Variants in TMOD1 observed in about 807,000 individuals in gnomAD.
TMOD1 encodes the protein tropomodulin 1, also known as tropomodulin-1.
Under a neutral mutation model 40.6 loss-of-function variants are expected in TMOD1, and 17 were observed. That is an observed-to-expected ratio of 0.42 (90% CI 0.29 to 0.63). TMOD1 has a LOEUF of 0.63. TMOD1 is among the 20% of genes least tolerant of loss of function. The pLI, the probability that TMOD1 is intolerant of heterozygous loss-of-function variation, is 0.22. For missense variants in TMOD1, 391 were observed against 447.6 expected (o/e 0.87, Z 1.14); for synonymous variants, 181 against 175.0 (o/e 1.03, Z -0.27).
chr9:97,548,164 T>A (rs1830393786), intron 3 of TMOD1, among the ~76,000 whole-genome samples: 1 of 152,218 alleles, frequency 6.6e-6, no homozygotes, highest in Non-Finnish European at 1.5e-5. Context: ...TTCCATTCCC[T>A]CCACCCCTAA....
chr9:97,524,111 G>A (rs951914406), intron 1 of TMOD1, 30 bp from the exon 2 acceptor site: 1 of 1,516,060 alleles, frequency 6.6e-7, no homozygotes, highest in South Asian at 1.3e-5. Flanking sequence ...TCTGAGACGG[G>A]TCTTTCTAAG....
At chr9:97,546,164 C>T in intron 2 of TMOD1, 21 bp from the exon 3 acceptor site, 1 of 1,592,298 alleles carries the variant, frequency 6.3e-7, no homozygotes, top group Non-Finnish European at 8.5e-7. Flanking sequence ...CTCTCCTGCC[C>T]CCCCACAACC....
intron 4 of TMOD1, among the ~76,000 whole-genome samples, chr9:97,553,740 GA>G (rs1275557008): frequency 3.3e-5 from 5 of 152,132 alleles, no homozygotes; most frequent in Non-Finnish European, 7.3e-5. Context: ...AGGATAGAGG[GA>G]AAACAGACAG....
chr9:97,573,706 C>T (rs1259898183), intron 8 of TMOD1, among the ~76,000 whole-genome samples: 1 of 152,162 alleles, frequency 6.6e-6, no homozygotes, highest in Non-Finnish European at 1.5e-5. Flanking sequence ...GACCTCAGCA[C>T]CTTACCGTGT....
At chr9:97,588,572 C>A (rs979151801) in intron 8 of TMOD1, among the ~76,000 whole-genome samples, 1 of 152,076 alleles carries the variant, frequency 6.6e-6, no homozygotes, top group Non-Finnish European at 1.5e-5. Flanking sequence ...TCTGTTGAAG[C>A]ACAAAAGTTT....
intron 4 of TMOD1, among the ~76,000 whole-genome samples, chr9:97,558,489 G>T (rs1830566984): frequency 6.6e-6 from 1 of 152,128 alleles, no homozygotes; most frequent in African/African-American, 2.4e-5. Context: ...TGTTGCCCAG[G>T]CTGGAGTGCA....
chr9:97,524,407 A>G, intron 2 of TMOD1, 99 bp downstream of exon 2: 2 of 1,426,780 alleles, frequency 1.4e-6, no homozygotes, highest in South Asian at 1.4e-5. Flanking sequence ...TTTTCCTTCC[A>G]TGGCAATGAC....
intron 2 of TMOD1, 59 bp downstream of exon 2, chr9:97,524,367 G>A (rs1169225361): frequency 2.5e-6 from 4 of 1,573,726 alleles, no homozygotes; most frequent in Non-Finnish European, 1.7e-6. Context: ...GGGAGGGACA[G>A]GTGGATGCTT....
chr9:97,574,569 G>A (rs901702053), intron 8 of TMOD1, among the ~76,000 whole-genome samples: 2 of 152,268 alleles, frequency 1.3e-5, no homozygotes, highest in Admixed American at 6.5e-5. Context: ...GGCGCAGGGC[G>A]CGGGACTGGC....
intron 5 of TMOD1, among the ~76,000 whole-genome samples, chr9:97,563,545 A>C (rs1388627977): frequency 6.6e-6 from 1 of 152,078 alleles, no homozygotes; most frequent in African/African-American, 2.4e-5. Context: ...CCTCTGTTTC[A>C]TGAGCCCTTT....
intron 2 of TMOD1, among the ~76,000 whole-genome samples, chr9:97,540,333 C>G (rs117725273): frequency 0.014 from 2,087 of 152,360 alleles, 24 homozygotes; most frequent in Non-Finnish European, 0.022. Context: ...CAGCTTCTCT[C>G]TGTGTGTTCT....
intron 9 of TMOD1, among the ~76,000 whole-genome samples, chr9:97,592,942 GAAATA>G (rs1235203534): frequency 6.6e-6 from 1 of 152,130 alleles, no homozygotes; most frequent in Non-Finnish European, 1.5e-5. Flanking sequence ...ATCCTTACTT[GAAATA>G]AAATAAGAAC....
intron 1 of TMOD1, among the ~76,000 whole-genome samples, chr9:97,512,167 G>T (rs1164527649): frequency 6.6e-6 from 1 of 152,128 alleles, no homozygotes; most frequent in African/African-American, 2.4e-5. Flanking sequence ...TGTCCAGAAG[G>T]CATATAAAAT....
chr9:97,518,240 G>A lies in TMOD1; in HGVS notation c.-48-5901G>A, dbSNP rs375883905. On this transcript the variant is annotated intron_variant, in intron 1 of 9. Transcript: ENST00000259365. ...ATGACTGCTGTCCTCAGAAAAAGGG[G>A]AAATTTGGATCCAGACATGTGCAGA... is the stretch of plus-strand genomic sequence containing the variant. 8.2e-4 allele frequency among the ~76,000 whole-genome samples: 125 copies of A among 152,308 alleles called. 3 individuals are homozygous for A. In the South Asian group the frequency reaches 0.026, roughly 31 times the overall value.
upstream of TMOD1, chr9:97,501,543 G>A (rs1829499450): frequency 1.3e-5 from 2 of 150,474 alleles, no homozygotes; most frequent in African/African-American, 2.4e-5. Flanking sequence ...GCGCCCCCGA[G>A]TGGAGGGGGG....
chr9:97,544,865 C>A (rs1032236338), intron 2 of TMOD1, among the ~76,000 whole-genome samples: 1 of 151,812 alleles, frequency 6.6e-6, no homozygotes. Context: ...AAAAATTAGC[C>A]GGGCGTGGTG....
At chr9:97,556,481 A>G (rs1435156408) in intron 4 of TMOD1, among the ~76,000 whole-genome samples, 1 of 152,048 alleles carries the variant, frequency 6.6e-6, no homozygotes, top group Admixed American at 6.5e-5. Context: ...CTGGAGGAAG[A>G]AGAGTAGGGA....
At chr9:97,534,373 C>T (rs571601227) in intron 2 of TMOD1, among the ~76,000 whole-genome samples, 3 of 152,298 alleles carry the variant, frequency 2.0e-5, no homozygotes, top group Admixed American at 6.5e-5. Flanking sequence ...TAACCAAATC[C>T]AGGCCCTCAA....
intron 9 of TMOD1, among the ~76,000 whole-genome samples, chr9:97,595,107 A>G (rs765424149): frequency 1.7e-4 from 26 of 152,246 alleles, no homozygotes; most frequent in Non-Finnish European, 3.1e-4. Context: ...TTTATTGTCA[A>G]TTGACAATTT....
Sources: gnomAD v4.1 joint callset for allele counts (sites outside exome capture counted in the v4.1 genomes callset) on GRCh38, gnomAD v4.1.1 for gene constraint, MANE v1.5 for transcripts, NCBI Gene and HGNC (gene_info 2026-07-23, HGNC 2026-07-21) for gene names.